MPDZ: variants seen among roughly 807,000 people sequenced by gnomAD.
MPDZ encodes the protein multiple PDZ domain protein.
MPDZ carries 234 observed loss-of-function variants against 239.1 expected under a neutral mutation model. The observed-to-expected ratio is 0.98, with a 90% CI of 0.88 to 1.09. The LOEUF (loss-of-function observed/expected upper bound fraction) is 1.09. Among genes scored for constraint, MPDZ ranks in the 50% least tolerant of loss-of-function variants. The probability of loss-of-function intolerance (pLI) is 0.00; values close to 1 mark genes in which losing one functional copy is unlikely to be tolerated. For missense variants in MPDZ, 3,175 were observed against 2,510.0 expected, an observed-to-expected ratio of 1.26 and a Z score of -5.66; for synonymous variants, 1,048 against 881.3, an observed-to-expected ratio of 1.19 and a Z score of -3.35.
chr9:13,199,540 G>T (rs1027946797), intron 12 of MPDZ, among the ~76,000 whole-genome samples: 3 of 151,692 alleles, frequency 2.0e-5, no homozygotes, highest in Non-Finnish European at 4.4e-5. Context: ...TACTTATGTT[G>T]AAAAAAAGGT....
rs373036600 is a variant in MPDZ at position 13,224,538 on chromosome 9, C to A, written c.229G>T (p.Val77Phe). 7 of 1,612,234 alleles carry A rather than the reference C, an allele frequency of 4.3e-6. No individual in the cohort carries two copies. In the African/African-American group the frequency reaches 9.3e-5, roughly 22 times the overall value. The change falls in exon 4 of 47, where the codon GTT (valine) becomes TTT (phenylalanine). Residue 77 changes from valine to phenylalanine, a missense_variant. Physicochemically the swap from Val to Phe is conservative, Grantham distance 50. Coordinates refer to ENST00000319217, the MANE Select transcript of MPDZ (RefSeq NM_001378778.1). The stretch of plus-strand genomic sequence containing the variant: ...ATCACAGCTGGGCTGAGATGAGGAA[C>A]GTGGGCATATTCAATATTTGAAGTT... ...SATSNIEYAH[V>F]PHLSPAVIPT... is the part of the protein sequence containing the mutation.
chr9:13,143,645 A>T lies in MPDZ; in HGVS notation c.3742-81T>A, dbSNP rs561302178. The T allele has an allele frequency of 4.4e-3, 4,800 of 1,081,392 alleles. 24 individuals carry two copies. The highest frequency in any genetic ancestry group is 5.7e-3 in the Non-Finnish European group (3,962 of 697,468). The allele number at this position is 1,081,392 out of a possible 1,614,324, so 67.0% of individuals were successfully genotyped here. Reference sequence around the variant, plus strand: ...AGTTTTAAAAGCAAAGTACATACCGATTTAAAGAACTGCCTGTGTGAAACT... The same window carrying T: ...AGTTTTAAAAGCAAAGTACATACCGTTTTAAAGAACTGCCTGTGTGAAACT... On this transcript the variant is annotated intron_variant, in intron 26 of 46. Coordinates refer to ENST00000319217, the MANE Select transcript of MPDZ (RefSeq NM_001378778.1).
intron 12 of MPDZ, among the ~76,000 whole-genome samples, chr9:13,201,926 A>G (rs1254608337): frequency 6.6e-6 from 1 of 151,960 alleles, no homozygotes; most frequent in Non-Finnish European, 1.5e-5. Flanking sequence ...ATTATTCTGA[A>G]TTTTCTGTAC....
rs759451744 is a variant in MPDZ at position 13,223,702 on chromosome 9, A to T, written c.402T>A (p.His134Gln). 2.0e-5 allele frequency: 32 copies of T among 1,602,220 alleles called. No homozygotes were observed. In the African/African-American group the frequency reaches 4.2e-4, roughly 21 times the overall value. Residue 134 changes from histidine (H) to glutamine (Q), a missense_variant, in exon 5 of 47, where the codon CAT becomes CAA. Physicochemically the swap from His to Gln is conservative, Grantham distance 24. Transcript: ENST00000319217. ...QLIKNMAQGR[H>Q]VEVFELLKPP... Reference sequence around the variant, plus strand: ...GTTTGAGGAGCTCAAAAACTTCTACATGGCGACCCTGTTTAGGAAACAAAG... The same window carrying T: ...GTTTGAGGAGCTCAAAAACTTCTACTTGGCGACCCTGTTTAGGAAACAAAG...
rs762859227 is a variant in MPDZ at position 13,247,681 on chromosome 9, C to T, written c.137G>A (p.Ser46Asn). The change falls in exon 3 of 47, where the codon AGT becomes AAT. Residue 46 changes from serine to asparagine, a missense_variant. Ser to Asn is a conservative substitution (Grantham distance 46, BLOSUM62 1). Transcript: ENST00000319217. ...AGAAGTCTGAAGGCTCAGAATCTGA[C>T]TGAAGAGAGGGCTCTGCAGGACTGA... ...LKSVLQSPLF[S>N]QILSLQTSVQ... is the part of the protein sequence containing the mutation. 2 of 1,613,452 alleles carry T rather than the reference C, an allele frequency of 1.2e-6. No individual in the cohort carries two copies. The highest frequency in any genetic ancestry group is 1.7e-5 in the Admixed American group (1 of 59,982).
chr9:13,147,920 C>T (rs189862605), intron 25 of MPDZ, among the ~76,000 whole-genome samples: 12 of 152,092 alleles, frequency 7.9e-5, no homozygotes, highest in Admixed American at 2.0e-4. Flanking sequence ...TTCTGCACTC[C>T]TTACATTGCT....
At chr9:13,180,142 C>A (rs973292306) in intron 19 of MPDZ, among the ~76,000 whole-genome samples, 2 of 151,562 alleles carry the variant, frequency 1.3e-5, no homozygotes, top group Non-Finnish European at 2.9e-5. Flanking sequence ...ATTCTAACCC[C>A]ATCTGCAAAA....
chr9:13,142,390 G>A (rs1337772024), intron 27 of MPDZ, among the ~76,000 whole-genome samples: 2 of 152,202 alleles, frequency 1.3e-5, no homozygotes, highest in South Asian at 2.1e-4. Context: ...CAGGTGTTAT[G>A]TTTTCATATC....
At chr9:13,264,181 A>C (rs1056228454) in intron 1 of MPDZ, among the ~76,000 whole-genome samples, 36 of 152,184 alleles carry the variant, frequency 2.4e-4, no homozygotes, top group African/African-American at 8.7e-4. Flanking sequence ...CATGTTCATT[A>C]CATTTGCTTT....
At chr9:13,173,871 G>A (rs981795132) in intron 21 of MPDZ, among the ~76,000 whole-genome samples, 5 of 152,078 alleles carry the variant, frequency 3.3e-5, no homozygotes, top group African/African-American at 9.6e-5. Flanking sequence ...CTTAGCTCCC[G>A]CTGCCTACAT....
At chr9:13,138,437 C>T (rs1947166619) in intron 28 of MPDZ, among the ~76,000 whole-genome samples, 1 of 152,140 alleles carries the variant, frequency 6.6e-6, no homozygotes, top group Non-Finnish European at 1.5e-5. Context: ...ATTCATTTTA[C>T]AAACTCTCAA....
intron 32 of MPDZ, among the ~76,000 whole-genome samples, 152 bp downstream of exon 32, chr9:13,133,672 G>A (rs1946340621): frequency 1.3e-5 from 2 of 152,172 alleles, no homozygotes; most frequent in South Asian, 4.1e-4. Context: ...AAGCAGATAA[G>A]TTTGAGTGGG....
At chr9:13,191,031 GAT>G (rs1235689699) in intron 15 of MPDZ, among the ~76,000 whole-genome samples, 1 of 152,064 alleles carries the variant, frequency 6.6e-6, no homozygotes, top group Non-Finnish European at 1.5e-5. Flanking sequence ...CTTAAAGAAA[GAT>G]GTGTTTATGA....
At chr9:13,250,484 T>G in intron 1 of MPDZ, 112 bp from the exon 2 acceptor site, 4 of 596,600 alleles carry the variant, frequency 6.7e-6, no homozygotes, top group Non-Finnish European at 1.2e-5. Context: ...ATTAAAATCT[T>G]GTTGATACAA....
intron 41 of MPDZ, among the ~76,000 whole-genome samples, chr9:13,113,663 C>A (rs1402648843): frequency 2.0e-5 from 3 of 151,992 alleles, no homozygotes; most frequent in South Asian, 2.1e-4. Flanking sequence ...GGAATAAAAT[C>A]AAAAACACCA....
At chr9:13,141,543 G>A (rs931505313) in intron 27 of MPDZ, among the ~76,000 whole-genome samples, 1 of 151,960 alleles carries the variant, frequency 6.6e-6, no homozygotes, top group African/African-American at 2.4e-5. Context: ...TACTGCATAA[G>A]AATTCCTCTG....
At chr9:13,157,921 CAAG>C in intron 24 of MPDZ, 94 bp downstream of exon 24, 1 of 997,318 alleles carries the variant, frequency 1.0e-6, no homozygotes, top group Non-Finnish European at 1.6e-6. Context: ...CCCGATATAA[CAAG>C]AAGCAAGTTG....
rs1944931110 is a variant in MPDZ, at chr9:13,125,134, G to A, written c.4807+82C>T. The A allele has an allele frequency of 1.4e-5, 18 of 1,318,660 alleles. No homozygotes were observed. The South Asian group carries it at 2.9e-4, about 21-fold the overall frequency. 81.7% of individuals were successfully genotyped at this position (1,318,660 alleles called of 1,614,324 possible). On this transcript the variant is annotated intron_variant, in intron 35 of 46. Coordinates refer to ENST00000319217, the MANE Select transcript of MPDZ (RefSeq NM_001378778.1). Reference sequence around the variant, plus strand: ...CTTCCAAACAGTGAGCCACAGGTAGGCAGCTGGCTCCCAAGCAGAAACCCT... The same window carrying A: ...CTTCCAAACAGTGAGCCACAGGTAGACAGCTGGCTCCCAAGCAGAAACCCT...
At chr9:13,164,617 T>A (rs970974923) in intron 22 of MPDZ, among the ~76,000 whole-genome samples, 9 of 152,172 alleles carry the variant, frequency 5.9e-5, no homozygotes, top group African/African-American at 1.9e-4. Context: ...GATGTTTCCA[T>A]CCCAAACAAT....
Sources: gnomAD v4.1 joint callset for allele counts (sites outside exome capture counted in the v4.1 genomes callset) on GRCh38, gnomAD v4.1.1 for gene constraint, MANE v1.5 for transcripts, NCBI Gene and HGNC (gene_info 2026-07-23, HGNC 2026-07-21) for gene names.